The following PTPRD variants were observed in gnomAD, a reference collection of about 807,000 sequenced individuals.
The protein encoded by PTPRD is protein tyrosine phosphatase receptor type D, also known as receptor-type tyrosine-protein phosphatase delta.
A neutral mutation model predicts 214.5 loss-of-function variants in PTPRD; 34 were observed. That is an observed-to-expected ratio of 0.16 (90% confidence interval 0.12 to 0.21). The LOEUF (loss-of-function observed/expected upper bound fraction) is 0.21. PTPRD is among the 10% of genes least tolerant of loss of function. The pLI is 1.00. For synonymous variants in PTPRD, 1,128 were observed against 845.7 expected (o/e 1.33, Z -5.79); for missense variants, 2,545 against 2,398.7 (o/e 1.06, Z -1.27).
chr9:9,585,506 T>A (rs1191043832), intron 7 of PTPRD, among the ~76,000 whole-genome samples: 2 of 152,102 alleles, frequency 1.3e-5, no homozygotes, highest in Non-Finnish European at 2.9e-5. Context: ...CACAATTACT[T>A]TGAATTGAAA....
chr9:8,959,929 C>A (rs186468243), intron 11 of PTPRD, among the ~76,000 whole-genome samples: 2 of 152,144 alleles, frequency 1.3e-5, no homozygotes, highest in Admixed American at 6.6e-5. Context: ...GAGTACCTCA[C>A]CTATCATGTG....
At chr9:9,840,356 A>G (rs1201957736) in intron 5 of PTPRD, among the ~76,000 whole-genome samples, 3 of 152,118 alleles carry the variant, frequency 2.0e-5, no homozygotes, top group Non-Finnish European at 4.4e-5. Context: ...GAAAACACAA[A>G]TTTAATCAGA....
At chr9:8,460,655 C>A (rs2134170868) in intron 32 of PTPRD, 84 bp from the exon 33 acceptor site, 1 of 1,365,942 alleles carries the variant, frequency 7.3e-7, no homozygotes, top group Non-Finnish European at 1.0e-6. Context: ...GCAAAAAATC[C>A]AGGAAATAGT....
chr9:10,040,566 C>T (rs2097278088), intron 3 of PTPRD, among the ~76,000 whole-genome samples: 1 of 152,014 alleles, frequency 6.6e-6, no homozygotes, highest in African/African-American at 2.4e-5. Context: ...TAGGGAGAAT[C>T]AGCAGCAAGC....
chr9:8,713,651 G>T (rs941140589), intron 12 of PTPRD: 3 of 1,521,950 alleles, frequency 2.0e-6, no homozygotes, highest in East Asian at 4.5e-5. Flanking sequence ...CGAGACATGG[G>T]CGCCCGGCAC....
At chr9:8,427,111 A>G (rs2094729791) in intron 35 of PTPRD, among the ~76,000 whole-genome samples, 1 of 152,174 alleles carries the variant, frequency 6.6e-6, no homozygotes, top group South Asian at 2.1e-4. Flanking sequence ...CAAAGACAGC[A>G]TGTTCTCAGA....
chr9:8,744,563 T>C (rs936643681), intron 11 of PTPRD, among the ~76,000 whole-genome samples: 1 of 152,200 alleles, frequency 6.6e-6, no homozygotes. Context: ...AACCAAACAT[T>C]GCATGTTCTC....
chr9:10,135,424 T>G (rs926059719), intron 3 of PTPRD, among the ~76,000 whole-genome samples: 6 of 151,988 alleles, frequency 3.9e-5, no homozygotes, highest in Admixed American at 2.0e-4. Flanking sequence ...AGATACATAG[T>G]CATCGGATTC....
intron 3 of PTPRD, among the ~76,000 whole-genome samples, chr9:10,086,756 A>C (rs563411754): frequency 6.6e-6 from 1 of 151,816 alleles, no homozygotes; most frequent in African/African-American, 2.4e-5. Flanking sequence ...CAAAAATGCA[A>C]ACACAACTTC....
chr9:8,423,266 T>G (rs973044147), intron 35 of PTPRD, among the ~76,000 whole-genome samples: 1 of 152,188 alleles, frequency 6.6e-6, no homozygotes, highest in African/African-American at 2.4e-5. Flanking sequence ...GACATACTGT[T>G]CATTTTAACA....
chr9:8,359,107 C>CA (rs749802631), intron 39 of PTPRD, among the ~76,000 whole-genome samples: 580 of 9,822 alleles, frequency 0.059, 130 homozygotes, highest in African/African-American at 0.28. Flanking sequence ...GACTCCGTCT[C>CA]AAAAAAAAAA....
intron 11 of PTPRD, among the ~76,000 whole-genome samples, chr9:8,924,122 C>G (rs1567026914): frequency 1.3e-5 from 1 of 78,268 alleles, no homozygotes; most frequent in Non-Finnish European, 2.6e-5. Flanking sequence ...GGGGCCTAAG[C>G]TACGATTAAA....
At chr9:9,227,147 A>G (rs2099960004) in intron 9 of PTPRD, among the ~76,000 whole-genome samples, 1 of 152,166 alleles carries the variant, frequency 6.6e-6, no homozygotes, top group Admixed American at 6.6e-5. Flanking sequence ...TTGATCAAAG[A>G]CATCCCCCTT....
At chr9:10,433,748 G>T (rs901273660) in intron 2 of PTPRD, among the ~76,000 whole-genome samples, 3 of 151,816 alleles carry the variant, frequency 2.0e-5, no homozygotes, top group African/African-American at 4.8e-5. Flanking sequence ...GGAGATGACA[G>T]CTATATTTTT....
At chr9:8,554,950 A>ATG (rs2140968717) in intron 14 of PTPRD, among the ~76,000 whole-genome samples, 1 of 152,072 alleles carries the variant, frequency 6.6e-6, no homozygotes, top group African/African-American at 2.4e-5. Flanking sequence ...ATGAGTATAT[A>ATG]TGACTTAGCT....
chr9:8,665,652 C>T (rs543207591), intron 12 of PTPRD, among the ~76,000 whole-genome samples: 289 of 152,196 alleles, frequency 1.9e-3, no homozygotes, highest in Non-Finnish European at 2.7e-3. Context: ...ATCTGTTTTC[C>T]TGCTTTTCCT....
At chr9:9,293,648 C>G (rs78592215) in intron 9 of PTPRD, among the ~76,000 whole-genome samples, 1 of 151,490 alleles carries the variant, frequency 6.6e-6, no homozygotes, top group African/African-American at 2.4e-5. Flanking sequence ...ACCCCCTTAT[C>G]CTTCTTCAGG....
intron 39 of PTPRD, among the ~76,000 whole-genome samples, chr9:8,356,732 G>C (rs7021505): frequency 0.95 from 145,078 of 152,290 alleles, 69,165 homozygotes; most frequent in East Asian, 1. Flanking sequence ...CTCAGCTGCA[G>C]GCAGGCTGAT....
chr9:8,925,794 T>A lies in PTPRD; in HGVS notation c.-104+92903A>T, dbSNP rs72706239. 2.2e-3 allele frequency among the ~76,000 whole-genome samples: 340 copies of A among 151,762 alleles called. 2 individuals are homozygous for A. The highest frequency in any genetic ancestry group is 8.7e-3 in the South Asian group (42 of 4,808). ...CTGACACTCACTGTTAGAGAACTGC[T>A]GTAATTAGTTCAAGGAGAACTTAAT... On this transcript the variant is annotated intron_variant, in intron 11 of 45. Transcript: ENST00000381196.
Sources: gnomAD v4.1 joint callset for allele counts (sites outside exome capture counted in the v4.1 genomes callset) on GRCh38, gnomAD v4.1.1 for gene constraint, MANE v1.5 for transcripts, NCBI Gene and HGNC (gene_info 2026-07-23, HGNC 2026-07-21) for gene names.